The following KRIT1 variants were observed in gnomAD, a reference collection of about 807,000 sequenced individuals.
KRIT1 encodes KRIT1 ankyrin repeat containing.
In KRIT1, 45 loss-of-function variants were observed where a neutral mutation model predicts 95.8. The ratio of observed to expected loss-of-function variants is 0.47; its 90% CI spans 0.37 to 0.60. The LOEUF is 0.60. KRIT1 is among the 20% of genes least tolerant of loss of function. KRIT1 has a pLI of 0.00. For synonymous variants in KRIT1, 282 were observed against 278.8 expected (o/e 1.01, Z -0.11); for missense variants, 788 against 877.5 (o/e 0.90, Z 1.29).
chr7:92,223,557 T>G (rs1795602782), intron 12 of KRIT1, among the ~76,000 whole-genome samples: 1 of 152,124 alleles, frequency 6.6e-6, no homozygotes, highest in Non-Finnish European at 1.5e-5. Flanking sequence ...AAAAACATAC[T>G]CAATGTCAAA....
chr7:92,233,057 A>G (rs954497288), intron 10 of KRIT1, among the ~76,000 whole-genome samples: 1 of 152,164 alleles, frequency 6.6e-6, no homozygotes, highest in African/African-American at 2.4e-5. Flanking sequence ...AGAAACAACT[A>G]TTAACTCAGT....
chr7:92,225,094 G>A (rs993636862), intron 12 of KRIT1, among the ~76,000 whole-genome samples: 4 of 151,924 alleles, frequency 2.6e-5, no homozygotes, highest in Admixed American at 6.6e-5. Flanking sequence ...CAGAGGTTGC[G>A]GTGAGCTGAG....
At position 92,223,200 on chromosome 7, in the gene KRIT1, C is replaced by T. The variant is rs146976676; in HGVS notation, c.1255-222G>A. Among the ~76,000 whole-genome samples the T allele has an allele frequency of 9.7e-3, 1,428 of 147,764 alleles. 62 individuals are homozygous for T. The highest frequency in any genetic ancestry group is 0.093 in the East Asian group (466 of 4,998). On this transcript the variant is annotated intron_variant, in intron 12 of 18. Coordinates refer to ENST00000394505, the MANE Select transcript of KRIT1 (RefSeq NM_194454.3). ...ATCCCAACACTTTGGGAGGCCGAGG[C>T]GGGCGGATCACGAAGTCAGGAGCTC...
At chr7:92,232,324 C>CATTTTT (rs1797465297) in intron 10 of KRIT1, among the ~76,000 whole-genome samples, 1 of 152,012 alleles carries the variant, frequency 6.6e-6, no homozygotes. Context: ...GGGAAGGTAC[C>CATTTTT]ATTTTTAAGC....
At chr7:92,230,058 T>C (rs746001102) in intron 10 of KRIT1, among the ~76,000 whole-genome samples, 4 of 152,162 alleles carry the variant, frequency 2.6e-5, no homozygotes, top group Non-Finnish European at 5.9e-5. Context: ...GATAGTGAGG[T>C]AGCAATTCGA....
chr7:92,231,796 C>A (rs1174469781), intron 10 of KRIT1, among the ~76,000 whole-genome samples: 1 of 152,114 alleles, frequency 6.6e-6, no homozygotes, highest in African/African-American at 2.4e-5. Flanking sequence ...ATCAAGCTGA[C>A]AGAAAATTAA....
At chr7:92,211,703 G>A (rs1003891671) in intron 17 of KRIT1, among the ~76,000 whole-genome samples, 1 of 152,048 alleles carries the variant, frequency 6.6e-6, no homozygotes, top group Admixed American at 6.6e-5. Context: ...TTAAGGTGAT[G>A]AATTTCCTAA....
chr7:92,213,543 T>C, intron 16 of KRIT1, 142 bp from the exon 17 acceptor site: 5 of 636,626 alleles, frequency 7.9e-6, no homozygotes, highest in Non-Finnish European at 1.4e-5. Flanking sequence ...GTATCAGGAG[T>C]ACTTTTTCTC....
intron 14 of KRIT1, among the ~76,000 whole-genome samples, chr7:92,220,280 T>C (rs927766627): frequency 6.6e-6 from 1 of 152,210 alleles, no homozygotes; most frequent in African/African-American, 2.4e-5. Flanking sequence ...TCAATTAAGA[T>C]GATCATGTGT....
At chr7:92,220,888 C>G (rs570138568) in intron 14 of KRIT1, among the ~76,000 whole-genome samples, 5 of 151,280 alleles carry the variant, frequency 3.3e-5, no homozygotes, top group Admixed American at 6.6e-5. Context: ...CGGGGTTTCA[C>G]CATCTTGGCC....
intron 17 of KRIT1, among the ~76,000 whole-genome samples, chr7:92,212,180 A>G (rs1257259181): frequency 6.6e-6 from 1 of 152,210 alleles, no homozygotes; most frequent in Non-Finnish European, 1.5e-5. Context: ...GAAGTATTCT[A>G]GTGGATATTC....
chr7:92,218,197 G>C (rs1448162598), intron 14 of KRIT1, among the ~76,000 whole-genome samples: 1 of 151,922 alleles, frequency 6.6e-6, no homozygotes, highest in Non-Finnish European at 1.5e-5. Context: ...AACCACAGGT[G>C]TGTGCCACCA....
chr7:92,230,456 C>T (rs1457205761), intron 10 of KRIT1, among the ~76,000 whole-genome samples: 1 of 152,012 alleles, frequency 6.6e-6, no homozygotes, highest in Non-Finnish European at 1.5e-5. Flanking sequence ...GAAAAGTAGT[C>T]AAGAATTAAA....
intron 17 of KRIT1, among the ~76,000 whole-genome samples, chr7:92,210,070 C>T (rs550699303): frequency 2.0e-5 from 3 of 152,188 alleles, no homozygotes; most frequent in African/African-American, 7.2e-5. Flanking sequence ...AAGACTCTAT[C>T]TCAAAATCAA....
Position 92,201,297 on chromosome 7 carries a change from T to A in KRIT1, c.2142+10A>T. ...AATAGTTTATGAAGTCCAAAATAAA[T>A]GATACTTACCTGTTTTGTATGTACT... On this transcript the variant is annotated intron_variant, in intron 18 of 18. Coordinates refer to ENST00000394505, the MANE Select transcript of KRIT1 (RefSeq NM_194454.3). The A allele has an allele frequency of 8.3e-7, 1 of 1,202,794 alleles. No homozygotes were observed. Among genetic ancestry groups the A allele is most frequent in the Non-Finnish European group, 1.2e-6 (1 of 805,218 alleles). 74.5% of individuals were successfully genotyped at this position (1,202,794 alleles called of 1,614,324 possible).
At chr7:92,213,034 G>A (rs1219168825) in intron 17 of KRIT1, among the ~76,000 whole-genome samples, 161 bp downstream of exon 17, 2 of 152,030 alleles carry the variant, frequency 1.3e-5, no homozygotes, top group African/African-American at 2.4e-5. Context: ...TAATATTAAC[G>A]CCTTACTGAC....
chr7:92,211,027 A>G (rs1432763019), intron 17 of KRIT1, among the ~76,000 whole-genome samples: 1 of 152,238 alleles, frequency 6.6e-6, no homozygotes, highest in Admixed American at 6.5e-5. Context: ...TGACAAAAAC[A>G]TAACAAATGC....
In KRIT1 at chr7:92,235,626, G is replaced by A. The variant is rs1485511158; in HGVS notation, c.506C>T (p.Ala169Val). 5 of 1,613,728 alleles carry A rather than the reference G, an allele frequency of 3.1e-6. No individual in the cohort carries two copies. Among genetic ancestry groups the A allele is most frequent in the Non-Finnish European group, 4.2e-6 (5 of 1,179,846 alleles). Residue 169 changes from alanine (A) to valine (V), a missense_variant, in exon 8 of 19, where the codon GCA becomes GTA. Ala to Val is a moderately conservative substitution (Grantham distance 64). Transcript: ENST00000394505. ...ALDKWLDERH[A>V]QSHFIPALFR... ...TAAAGCTGGAATAAAGTGAGATTGT[G>A]CATGACGTTCATCTAACCACCTGGC...
chr7:92,233,139 A>G (rs1797671840), intron 10 of KRIT1, among the ~76,000 whole-genome samples: 1 of 146,388 alleles, frequency 6.8e-6, no homozygotes. Context: ...ATTTTTAAGG[A>G]AACAGAAAAA....
Sources: gnomAD v4.1 joint callset for allele counts (sites outside exome capture counted in the v4.1 genomes callset) on GRCh38, gnomAD v4.1.1 for gene constraint, MANE v1.5 for transcripts, NCBI Gene and HGNC (gene_info 2026-07-23, HGNC 2026-07-21) for gene names.